PDE3A: variants seen among roughly 807,000 people sequenced by gnomAD.
PDE3A encodes cGMP-inhibited 3',5'-cyclic phosphodiesterase 3A.
A neutral mutation model predicts 98.3 loss-of-function variants in PDE3A; 43 were observed. The observed-to-expected ratio is 0.44, with a 90% confidence interval of 0.34 to 0.56. The LOEUF (loss-of-function observed/expected upper bound fraction) is 0.56. PDE3A is among the 20% of genes least tolerant of loss of function. The pLI is 0.01. For missense variants in PDE3A, 1,427 were observed against 1,440.7 expected (o/e 0.99, Z 0.15); for synonymous variants, 663 against 567.9 (o/e 1.17, Z -2.38).
intron 2 of PDE3A, among the ~76,000 whole-genome samples, chr12:20,573,379 T>G (rs1387248436): frequency 6.6e-6 from 1 of 152,052 alleles, no homozygotes; most frequent in East Asian, 1.9e-4. Flanking sequence ...ACAGGACAGA[T>G]GAACTTTTGG....
At chr12:20,534,761 C>A (rs988688188) in intron 1 of PDE3A, among the ~76,000 whole-genome samples, 4 of 152,084 alleles carry the variant, frequency 2.6e-5, no homozygotes, top group African/African-American at 9.7e-5. Flanking sequence ...GATGGATTTT[C>A]TAATTTATTA....
intron 1 of PDE3A, among the ~76,000 whole-genome samples, chr12:20,457,438 A>G (rs6487090): frequency 0.92 from 139,006 of 151,740 alleles, 64,378 homozygotes; most frequent in East Asian, 1. Context: ...TAAAATTTAT[A>G]CATATACATG....
chr12:20,556,593 A>G (rs1030511268), intron 1 of PDE3A, 67 bp from the exon 2 acceptor site: 59 of 1,010,492 alleles, frequency 5.8e-5, no homozygotes, highest in Non-Finnish European at 7.6e-5. Context: ...TATTCTTTAA[A>G]ATAAAGAAGA....
intron 6 of PDE3A, among the ~76,000 whole-genome samples, chr12:20,632,862 T>C (rs1211795230): frequency 6.6e-6 from 1 of 152,038 alleles, no homozygotes; most frequent in Admixed American, 6.6e-5. Flanking sequence ...TATACTATCA[T>C]TCTATTTCAA....
chr12:20,520,653 C>T (rs1418839114), intron 1 of PDE3A, among the ~76,000 whole-genome samples: 2 of 152,218 alleles, frequency 1.3e-5, no homozygotes, highest in Non-Finnish European at 2.9e-5. Flanking sequence ...CAACAGATCA[C>T]ATTGCCAAAT....
At chr12:20,646,365 GT>G (rs1418172820) in intron 10 of PDE3A, 124 bp from the exon 11 acceptor site, 1 of 617,500 alleles carries the variant, frequency 1.6e-6, no homozygotes, top group Non-Finnish European at 2.9e-6. Context: ...GTCCTAGAAA[GT>G]TTGGCCAACT....
chr12:20,475,962 A>C (rs1945525435), intron 1 of PDE3A, among the ~76,000 whole-genome samples: 1 of 152,234 alleles, frequency 6.6e-6, no homozygotes, highest in African/African-American at 2.4e-5. Context: ...AGCCATAAGC[A>C]CAAGAATTGT....
intron 2 of PDE3A, among the ~76,000 whole-genome samples, chr12:20,592,316 G>A (rs184693581): frequency 1.3e-5 from 2 of 152,240 alleles, no homozygotes; most frequent in Non-Finnish European, 2.9e-5. Flanking sequence ...CAGAGAGATT[G>A]ACTCTAGATT....
intron 12 of PDE3A, among the ~76,000 whole-genome samples, chr12:20,647,527 T>C (rs1227585341): frequency 1.3e-5 from 2 of 152,120 alleles, no homozygotes; most frequent in Non-Finnish European, 1.5e-5. Flanking sequence ...ACTAAGTATG[T>C]AGACATACCC....
At chr12:20,558,469 C>G (rs1448035601) in intron 2 of PDE3A, among the ~76,000 whole-genome samples, 1 of 151,850 alleles carries the variant, frequency 6.6e-6, no homozygotes, top group Non-Finnish European at 1.5e-5. Context: ...AGCAAAATAG[C>G]TATTCTAAAT....
chr12:20,515,508 T>C (rs1399940861), intron 1 of PDE3A, among the ~76,000 whole-genome samples: 2 of 152,130 alleles, frequency 1.3e-5, no homozygotes, highest in Non-Finnish European at 2.9e-5. Flanking sequence ...TATGGTGTGT[T>C]AGATAACCAC....
intron 2 of PDE3A, among the ~76,000 whole-genome samples, chr12:20,564,111 G>A (rs1942597624): frequency 6.6e-6 from 1 of 152,140 alleles, no homozygotes; most frequent in South Asian, 2.1e-4. Context: ...TCAGAGAAGG[G>A]AAAACAGTGT....
At chr12:20,635,077 T>A in intron 8 of PDE3A, 21 bp downstream of exon 8, 2 of 1,594,282 alleles carry the variant, frequency 1.3e-6, no homozygotes, top group South Asian at 2.2e-5. Flanking sequence ...ATCACTTAAC[T>A]CACTCATTTA....
intron 1 of PDE3A, among the ~76,000 whole-genome samples, chr12:20,422,334 A>ACT (rs1235771949): frequency 6.6e-6 from 1 of 151,242 alleles, no homozygotes; most frequent in Non-Finnish European, 1.5e-5. Flanking sequence ...ACAGAGCGAG[A>ACT]CTCTGTCTCA....
At chr12:20,616,150 G>T in intron 3 of PDE3A, 80 bp from the exon 4 acceptor site, 1 of 1,278,870 alleles carries the variant, frequency 7.8e-7, no homozygotes, top group Non-Finnish European at 1.1e-6. Context: ...CTAATTAAAA[G>T]CTTGTTTCCT....
intron 1 of PDE3A, among the ~76,000 whole-genome samples, chr12:20,461,177 C>T (rs920625468): frequency 6.8e-6 from 1 of 147,172 alleles, no homozygotes; most frequent in African/African-American, 2.5e-5. Context: ...CATGTCCCTC[C>T]AACCCTCACT....
chr12:20,369,754 T>G lies in PDE3A; in HGVS notation c.470T>G (p.Leu157Arg), dbSNP rs1943427120. The G allele has an allele frequency of 6.2e-7, 1 of 1,612,468 alleles. No homozygotes were observed. Among genetic ancestry groups the G allele is most frequent in the Admixed American group, 1.7e-5 (1 of 59,970 alleles). ...TACCTCCTGCGCGCCGGGGTGCGCC[T>G]GCCTCTGGCTGTCGCGCTGCTGGCC... ...GLYLLRAGVR[L>R]PLAVALLAAC... The change falls in exon 1 of 16, where the codon CTG becomes CGG. Residue 157 changes from leucine (L) to arginine (R), a missense_variant. Leu to Arg is a moderately radical substitution (Grantham distance 102). Coordinates refer to ENST00000359062, the MANE Select transcript of PDE3A (RefSeq NM_000921.5).
At chr12:20,641,622 C>A (rs1944648941) in intron 10 of PDE3A, among the ~76,000 whole-genome samples, 1 of 151,996 alleles carries the variant, frequency 6.6e-6, no homozygotes, top group Non-Finnish European at 1.5e-5. Flanking sequence ...TACTAAACTC[C>A]ATAGACATAA....
At chr12:20,392,652 T>G (rs563273245) in intron 1 of PDE3A, among the ~76,000 whole-genome samples, 1 of 152,182 alleles carries the variant, frequency 6.6e-6, no homozygotes, top group South Asian at 2.1e-4. Flanking sequence ...CTGCTGAGTA[T>G]GTACTCAAAG....
Sources: allele counts gnomAD v4.1 joint callset (sites outside exome capture counted in the v4.1 genomes callset), GRCh38; gene constraint gnomAD v4.1.1; transcripts MANE v1.5; gene names NCBI Gene and HGNC (gene_info 2026-07-23, HGNC 2026-07-21).